Variants in NR1I2 observed in about 807,000 individuals in gnomAD.
The protein encoded by NR1I2 is orphan nuclear receptor PAR1.
NR1I2 carries 42 observed loss-of-function variants against 43.3 expected under a neutral mutation model. The ratio of observed to expected loss-of-function variants is 0.97; its 90% CI spans 0.76 to 1.26. The LOEUF is 1.26. Ranked by LOEUF, NR1I2 falls within the 50% of genes most tolerant of loss-of-function variation. The probability of loss-of-function intolerance (pLI) is 0.00; values close to 1 mark genes in which losing one functional copy is unlikely to be tolerated. For missense variants in NR1I2, 559 were observed against 566.7 expected, an observed-to-expected ratio of 0.99 and a Z score of 0.14; for synonymous variants, 229 against 215.0, an observed-to-expected ratio of 1.06 and a Z score of -0.57.
intron 1 of NR1I2, chr3:119,792,108 G>T: frequency 1.3e-6 from 1 of 766,686 alleles, no homozygotes; most frequent in Non-Finnish European, 2.4e-6. Context: ...CATCCTCTTT[G>T]GGCCTGTCAC....
intron 1 of NR1I2, among the ~76,000 whole-genome samples, chr3:119,794,910 G>T (rs186824748): frequency 6.6e-6 from 1 of 152,180 alleles, no homozygotes; most frequent in Non-Finnish European, 1.5e-5. Context: ...TTGCACTCCA[G>T]CCTGAGTGAC....
chr3:119,799,963 A>C (rs1559786101), intron 1 of NR1I2, among the ~76,000 whole-genome samples: 1 of 150,878 alleles, frequency 6.6e-6, no homozygotes, highest in Admixed American at 6.6e-5. Flanking sequence ...TTTGTCTCAA[A>C]AAACAAACAA....
Position 119,812,703 on chromosome 3 carries a change from C to T in NR1I2, c.537C>T (p.Ser179=). ...TGTCCTAGCTGCCAGGGGTGCTTAG[C>T]AGTGGCTGCGAGTTGCCAGAGTCTC... Residue 179 remains serine (S), a synonymous_variant, in exon 5 of 9, where the codon AGC becomes AGT. Coordinates refer to ENST00000393716, the MANE Select transcript of NR1I2 (RefSeq NM_003889.4). The T allele has an allele frequency of 6.2e-7, 1 of 1,614,058 alleles. No individual in the cohort carries two copies. The highest frequency in any genetic ancestry group is 8.5e-7 in the Non-Finnish European group (1 of 1,180,018).
In NR1I2 at chr3:119,818,049, C is replaced by T. The variant is rs2055354166; in HGVS notation, c.*837C>T. ...CTGTGTGGATGCTGAGCTGTGATGG[C>T]GGGCACTGGGTACCCAAGTGAAGGT... On this transcript the variant is annotated 3_prime_UTR_variant, in exon 9 of 9. Transcript: ENST00000393716. 4.1e-6 allele frequency: 4 copies of T among 985,502 alleles called. No homozygotes were observed. The highest frequency in any genetic ancestry group is 4.8e-6 in the Non-Finnish European group (4 of 829,974). The allele number at this position is 985,502 out of a possible 1,614,324, so 61.0% of individuals were successfully genotyped here.
chr3:119,817,429 A>C lies in NR1I2; in HGVS notation c.*217A>C, dbSNP rs2055346454. On this transcript the variant is annotated 3_prime_UTR_variant, in exon 9 of 9. Transcript: ENST00000393716. ...TTCAGTCTGTAGGGAGTGAAGCCAC[A>C]GACTCTTACGTGGAGAGTGCACTGA... 6.3e-6 allele frequency: 9 copies of C among 1,424,286 alleles called. No homozygotes were observed. In the South Asian group the frequency reaches 9.8e-5, roughly 16 times the overall value. The allele number at this position is 1,424,286 out of a possible 1,614,324, so 88.2% of individuals were successfully genotyped here. A position where few individuals can be genotyped will look rare whatever the true frequency, so the allele number is the denominator to read the frequency against.
Position 119,818,288 on chromosome 3 carries a change from A to G in NR1I2, c.*1076A>G. ...TTACATGCACCTTATATTTCTGTGT[A>G]CACATCTATTCTCAAAGCTAAAGGG... is the stretch of plus-strand genomic sequence containing the variant. On this transcript the variant is annotated 3_prime_UTR_variant, in exon 9 of 9. Transcript: ENST00000393716. 1.0e-6 allele frequency: 1 copy of G among 985,492 alleles called. No homozygotes were observed. Among genetic ancestry groups the G allele is most frequent in the Non-Finnish European group, 1.2e-6 (1 of 829,916 alleles). The allele number at this position is 985,492 out of a possible 1,614,324, so 61.0% of individuals were successfully genotyped here.
chr3:119,812,950 T>C lies in NR1I2; in HGVS notation c.784T>C (p.Ser262Pro), dbSNP rs2055265949. 6.2e-7 allele frequency: 1 copy of C among 1,613,388 alleles called. No individual in the cohort carries two copies. The highest frequency in any genetic ancestry group is 1.7e-5 in the Admixed American group (1 of 60,004). Residue 262 changes from serine to proline, a missense_variant, in exon 5 of 9, where the codon TCC (serine) becomes CCC (proline). Around this residue, in one of 3 missense-constraint regions of NR1I2, gnomAD observed 323 missense variants for 312.2 expected, o/e 1.03. Coordinates refer to ENST00000393716, the MANE Select transcript of NR1I2 (RefSeq NM_003889.4). The stretch of plus-strand genomic sequence containing the variant: ...CATCATCAGCTTTGCCAAAGTCATC[T>C]CCTACTTCAGGTAGGACATGGAGAC...
At chr3:119,788,891 G>A (rs1017425338) in intron 1 of NR1I2, among the ~76,000 whole-genome samples, 1 of 152,084 alleles carries the variant, frequency 6.6e-6, no homozygotes, top group African/African-American at 2.4e-5. Context: ...TTTCTGTCTG[G>A]TTAGTTGGAT....
chr3:119,800,696 A>C (rs1261548266), intron 1 of NR1I2, among the ~76,000 whole-genome samples: 1 of 152,074 alleles, frequency 6.6e-6, no homozygotes, highest in Non-Finnish European at 1.5e-5. Context: ...ATGCCTCTGG[A>C]TGTGGTCAGA....
At chr3:119,791,988 C>A in intron 1 of NR1I2, 2 of 699,414 alleles carry the variant, frequency 2.9e-6, no homozygotes, top group South Asian at 1.5e-5. Context: ...GACTCACTTT[C>A]TCATACCATG....
chr3:119,798,650 A>AG (rs959138438), intron 1 of NR1I2, among the ~76,000 whole-genome samples: 9 of 151,498 alleles, frequency 5.9e-5, no homozygotes, highest in African/African-American at 2.2e-4. Context: ...AAAAAAAAAA[A>AG]AAAAGAAAAA....
chr3:119,792,595 A>G (rs1482368347), intron 1 of NR1I2: 3 of 665,522 alleles, frequency 4.5e-6, no homozygotes, highest in Non-Finnish European at 8.1e-6. Context: ...ACTAGGCCAC[A>G]GCCCCAGTGA....
At chr3:119,789,836 T>C (rs2054892772) in intron 1 of NR1I2, among the ~76,000 whole-genome samples, 1 of 152,218 alleles carries the variant, frequency 6.6e-6, no homozygotes, top group Non-Finnish European at 1.5e-5. Context: ...TTAAATTCAA[T>C]TTAAATATTA....
At position 119,811,553 on chromosome 3, in the gene NR1I2, G is replaced by A. The variant is rs755621657; in HGVS notation, c.346G>A (p.Glu116Lys). The change falls in exon 4 of 9, where the codon GAG becomes AAG. Residue 116 changes from glutamate (E) to lysine (K), a missense_variant. Coordinates refer to ENST00000393716, the MANE Select transcript of NR1I2 (RefSeq NM_003889.4). ...TGTCCCTGCAGTGATCATGTCCGAC[G>A]AGGCCGTGGAGGAGAGGCGGGCCTT... 72 of 1,613,276 alleles carry A rather than the reference G, an allele frequency of 4.5e-5. No individual in the cohort carries two copies. The highest frequency in any genetic ancestry group is 1.4e-4 in the South Asian group (13 of 90,918).
intron 1 of NR1I2, chr3:119,792,435 G>C (rs2107951326): frequency 8.5e-7 from 1 of 1,170,040 alleles, no homozygotes; most frequent in African/African-American, 1.5e-5. Flanking sequence ...GCAGGGGACG[G>C]CCTGATGGAG....
chr3:119,787,655 ATATGTGTG>A (rs1184958330), intron 1 of NR1I2, among the ~76,000 whole-genome samples: 17 of 79,550 alleles, frequency 2.1e-4, no homozygotes, highest in South Asian at 6.0e-4. Context: ...TCTGCTATTA[ATATGTGTG>A]TGTGTGTGTG....
chr3:119,814,916 CTGG>C, intron 5 of NR1I2, 60 bp from the exon 6 acceptor site: 1 of 1,606,310 alleles, frequency 6.2e-7, no homozygotes, highest in Non-Finnish European at 8.5e-7. Flanking sequence ...GGGATGGCTG[CTGG>C]TGCCGGTCTG....
chr3:119,810,216 G>C (rs368540694), intron 3 of NR1I2, 22 bp downstream of exon 3: 1 of 1,577,836 alleles, frequency 6.3e-7, no homozygotes, highest in Admixed American at 1.8e-5. Flanking sequence ...GCGCGCGGGC[G>C]GGCCGGCGCC....
intron 1 of NR1I2, among the ~76,000 whole-genome samples, chr3:119,804,055 G>C (rs2055116660): frequency 6.6e-6 from 1 of 150,696 alleles, no homozygotes; most frequent in African/African-American, 2.4e-5. Flanking sequence ...ACCACATCCA[G>C]TCCCACAGTG....
Sources: allele counts gnomAD v4.1 joint callset (sites outside exome capture counted in the v4.1 genomes callset), GRCh38; gene constraint gnomAD v4.1.1; regional missense constraint gnomAD v4.1.1; transcripts MANE v1.5; gene names NCBI Gene and HGNC (gene_info 2026-07-23, HGNC 2026-07-21).